The following C11orf65 variants were observed in gnomAD, a reference collection of about 807,000 sequenced individuals.
The protein encoded by C11orf65 is chromosome 11 open reading frame 65.
A neutral mutation model predicts 35.3 loss-of-function variants in C11orf65; 38 were observed. The observed-to-expected ratio is 1.08, with a 90% CI of 0.83 to 1.41. The LOEUF (loss-of-function observed/expected upper bound fraction) is 1.41, where lower values mean the gene tolerates loss of function less well. Among genes scored for constraint, C11orf65 ranks in the 40% most tolerant of loss-of-function variants. The probability of loss-of-function intolerance (pLI) is 0.00; values close to 1 mark genes in which losing one functional copy is unlikely to be tolerated. For synonymous variants in C11orf65, 105 were observed against 114.4 expected, an observed-to-expected ratio of 0.92 and a Z score of 0.53; for missense variants, 370 against 367.1, an observed-to-expected ratio of 1.01 and a Z score of -0.06.
rs963242248 is a variant in C11orf65 at position 108,406,862 on chromosome 11, C to T, written c.330G>A (p.Lys110=). ...GATCATTTTTATTATGAGATGTATG[C>T]TTTGCTGGAAGTTTTGCATAATTTC... ...SPRNYAKLPA[K]HTSHNKNDHL... is the part of the protein sequence containing the mutation. The change falls in exon 5 of 9, where the codon AAG becomes AAA. Residue 110 remains lysine (K), a synonymous_variant. Transcript: ENST00000393084. The T allele has an allele frequency of 1.2e-6, 2 of 1,612,602 alleles. No homozygotes were observed. The highest frequency in any genetic ancestry group is 1.7e-6 in the Non-Finnish European group (2 of 1,179,010).
intron 3 of C11orf65, among the ~76,000 whole-genome samples, chr11:108,426,261 C>A (rs891195241): frequency 6.6e-6 from 1 of 152,148 alleles, no homozygotes; most frequent in South Asian, 2.1e-4. Flanking sequence ...ATTGTCTCAG[C>A]CCCAAATCTT....
At chr11:108,354,002 GC>G in intron 2 of C11orf65, 1 of 998,296 alleles carries the variant, frequency 1.0e-6, no homozygotes, top group Non-Finnish European at 1.6e-6. Flanking sequence ...GATTGTTTGA[GC>G]CCAGGAGTTT....
intron 2 of C11orf65, among the ~76,000 whole-genome samples, chr11:108,442,030 G>A (rs565919764): frequency 8.5e-5 from 13 of 152,292 alleles, no homozygotes; most frequent in Non-Finnish European, 1.5e-4. Context: ...ACTTCTCCGA[G>A]CTAAAGGAGG....
At chr11:108,328,667 A>G (rs1245794835), downstream of C11orf65, among the ~76,000 whole-genome samples, 1 of 152,238 alleles carries the variant, frequency 6.6e-6, no homozygotes, top group Non-Finnish European at 1.5e-5. Context: ...ACCATAGTTC[A>G]GGGCTGTCCA....
chr11:108,460,777 G>C (rs1489976678), intron 2 of C11orf65, among the ~76,000 whole-genome samples: 6 of 152,058 alleles, frequency 3.9e-5, no homozygotes, highest in Non-Finnish European at 5.9e-5. Context: ...CCAGGCTGAA[G>C]TGCAATGGCG....
intron 7 of C11orf65, among the ~76,000 whole-genome samples, chr11:108,391,997 T>A (rs143250069): frequency 2.6e-4 from 39 of 151,046 alleles, no homozygotes; most frequent in African/African-American, 8.0e-4. Context: ...CAAGCAATCC[T>A]CCCATCTCTG....
In C11orf65 at chr11:108,343,465, T is replaced by G; in HGVS notation, c.227-8173A>C. ...AGATATTATAGAATACAAAAAAACT[T>G]TAATTTCATCAGGTAATTGTCAAAG... is the stretch of plus-strand genomic sequence containing the variant. On this transcript the variant is annotated intron_variant, in intron 2 of 3. Coordinates refer to the C11orf65 transcript ENST00000524755. 5 of 1,463,728 alleles carry G rather than the reference T, an allele frequency of 3.4e-6. No individual in the cohort carries two copies. The African/African-American group carries it at 4.3e-5, about 12-fold the overall frequency. The allele number at this position is 1,463,728 out of a possible 1,614,324, so 90.7% of individuals were successfully genotyped here.
chr11:108,409,309 T>G (rs1347689211), intron 3 of C11orf65, among the ~76,000 whole-genome samples: 1 of 152,180 alleles, frequency 6.6e-6, no homozygotes, highest in Admixed American at 6.5e-5. Flanking sequence ...CTGTGAACAT[T>G]CATTTTTATG....
At chr11:108,331,674 T>C in intron 3 of C11orf65, 1 of 1,383,000 alleles carries the variant, frequency 7.2e-7, no homozygotes, top group South Asian at 1.5e-5. Flanking sequence ...TTTTGTATTT[T>C]TTGTCTTCTC....
At chr11:108,367,262 C>G (rs1006819730) in intron 2 of C11orf65, 1 of 180,134 alleles carries the variant, frequency 5.6e-6, no homozygotes, top group East Asian at 9.2e-5. Context: ...GCTGGGATTA[C>G]AGGTGTGAGC....
At chr11:108,351,772 T>C (rs1270423637) in intron 2 of C11orf65, among the ~76,000 whole-genome samples, 3 of 152,268 alleles carry the variant, frequency 2.0e-5, no homozygotes, top group African/African-American at 4.8e-5. Context: ...ATAGGGTCCA[T>C]CCTGGTTCTT....
chr11:108,401,485 T>A (rs1591471497), intron 6 of C11orf65, among the ~76,000 whole-genome samples: 1 of 152,202 alleles, frequency 6.6e-6, no homozygotes, highest in Non-Finnish European at 1.5e-5. Flanking sequence ...ACCCTGTTTC[T>A]CTAGCTGTGC....
intron 2 of C11orf65, chr11:108,367,411 G>C (rs193021589): frequency 5.0e-6 from 1 of 198,478 alleles, no homozygotes; most frequent in African/African-American, 2.3e-5. Flanking sequence ...GAAGGGCTTA[G>C]GTATCTAGTT....
At chr11:108,336,006 A>G (rs2086811343) in intron 2 of C11orf65, 1 of 1,472,898 alleles carries the variant, frequency 6.8e-7, no homozygotes, top group African/African-American at 1.4e-5. Flanking sequence ...CATATAAAAG[A>G]TGCCATTTGG....
At chr11:108,345,672 T>A (rs375168656) in intron 2 of C11orf65, 3 of 1,242,930 alleles carry the variant, frequency 2.4e-6, no homozygotes, top group Non-Finnish European at 3.3e-6. Flanking sequence ...CATATTTTTA[T>A]ATAAAAATGT....
At chr11:108,318,329 T>C (rs2084926995) in intron 6 of C11orf65, among the ~76,000 whole-genome samples, 1 of 150,374 alleles carries the variant, frequency 6.7e-6, no homozygotes, top group East Asian at 2.0e-4. Flanking sequence ...ACCACTGCAC[T>C]CCAGCCTGGA....
chr11:108,377,741 C>T (rs1371266291), intron 2 of C11orf65, among the ~76,000 whole-genome samples: 1 of 151,854 alleles, frequency 6.6e-6, no homozygotes. Flanking sequence ...CCCACTGTCT[C>T]AGCCCAAAAT....
At chr11:108,441,846 A>G (rs922171726) in intron 2 of C11orf65, among the ~76,000 whole-genome samples, 1 of 152,252 alleles carries the variant, frequency 6.6e-6, no homozygotes, top group African/African-American at 2.4e-5. Flanking sequence ...CCAAAGGTAG[A>G]GAAAACCACA....
intron 2 of C11orf65, among the ~76,000 whole-genome samples, chr11:108,357,386 C>T (rs940362520): frequency 1.1e-4 from 16 of 152,206 alleles, no homozygotes; most frequent in Non-Finnish European, 2.4e-4. Context: ...CCGCCATTGC[C>T]CAGGCTTGAT....
Sources: gnomAD v4.1 joint callset for allele counts (sites outside exome capture counted in the v4.1 genomes callset) on GRCh38, gnomAD v4.1.1 for gene constraint, MANE v1.5 for transcripts, NCBI Gene and HGNC (gene_info 2026-07-23, HGNC 2026-07-21) for gene names.